DIP2C: variants seen among roughly 807,000 people sequenced by gnomAD.
DIP2C encodes disco-interacting protein 2 homolog C.
In DIP2C, 33 loss-of-function variants were observed where a neutral mutation model predicts 192.4. The ratio of observed to expected loss-of-function variants is 0.17; its 90% confidence interval spans 0.13 to 0.23. The LOEUF is 0.23. DIP2C is among the 10% of genes least tolerant of loss of function. DIP2C has a pLI of 1.00. For synonymous variants in DIP2C, 979 were observed against 864.1 expected, an observed-to-expected ratio of 1.13 and a Z score of -2.33; for missense variants, 1,537 against 2,110.1, an observed-to-expected ratio of 0.73 and a Z score of 5.32.
At chr10:596,169 A>ATTTTT (rs1276718097) in intron 1 of DIP2C, among the ~76,000 whole-genome samples, 33 of 152,292 alleles carry the variant, frequency 2.2e-4, no homozygotes, top group Middle Eastern at 3.4e-3. Flanking sequence ...GTTTTAAAAA[A>ATTTTT]TAAAAGTAAC....
At chr10:341,375 C>CA in intron 28 of DIP2C, 46 bp from the exon 29 acceptor site, 1 of 1,610,824 alleles carries the variant, frequency 6.2e-7, no homozygotes, top group Non-Finnish European at 8.5e-7. Flanking sequence ...CTGACACCCT[C>CA]AGACACCCGG....
At chr10:587,120 G>A (rs1244601039) in intron 1 of DIP2C, among the ~76,000 whole-genome samples, 28 of 150,392 alleles carry the variant, frequency 1.9e-4, no homozygotes. Flanking sequence ...GCGTGGCGAG[G>A]GGCAAACAGT....
intron 1 of DIP2C, among the ~76,000 whole-genome samples, chr10:674,036 A>G (rs1269842041): frequency 6.6e-6 from 1 of 152,252 alleles, no homozygotes; most frequent in Non-Finnish European, 1.5e-5. Flanking sequence ...CAAAGAGACA[A>G]AAGAAAAACT....
chr10:283,902 A>G (rs1954965437), intron 34 of DIP2C, among the ~76,000 whole-genome samples: 1 of 152,230 alleles, frequency 6.6e-6, no homozygotes, highest in African/African-American at 2.4e-5. Context: ...ACACAGAAAA[A>G]CAAAACCTAA....
chr10:649,457 CCTT>C lies in DIP2C; in HGVS notation c.85+40034_85+40036del, dbSNP rs1041974529. 3.9e-5 allele frequency among the ~76,000 whole-genome samples: 6 copies of C among 152,204 alleles called. No homozygotes were observed. The East Asian group carries it at 9.6e-4, about 24-fold the overall frequency. Reference sequence around the variant, plus strand: ...TGCACTGCAGGGTGTGTCCCCTTGACCTTCACGAATTTTCAGGTAGTAAGAAAG... The same window carrying C: ...TGCACTGCAGGGTGTGTCCCCTTGACCACGAATTTTCAGGTAGTAAGAAAG... On this transcript the variant is annotated intron_variant, in intron 1 of 36. Transcript: ENST00000280886.
At chr10:600,875 GTA>G (rs1564252346) in intron 1 of DIP2C, among the ~76,000 whole-genome samples, 383 of 152,118 alleles carry the variant, frequency 2.5e-3, no homozygotes, top group Middle Eastern at 0.01. Flanking sequence ...AGCTTTTTCT[GTA>G]ACAAAGTTGG....
chr10:381,960 C>T (rs1962411558), intron 17 of DIP2C, among the ~76,000 whole-genome samples: 1 of 152,028 alleles, frequency 6.6e-6, no homozygotes, highest in African/African-American at 2.4e-5. Context: ...GCCTGTTCTC[C>T]TACAACAGCA....
intron 26 of DIP2C, among the ~76,000 whole-genome samples, chr10:347,411 T>C (rs1429303788): frequency 1.9e-4 from 25 of 131,692 alleles, no homozygotes; most frequent in Non-Finnish European, 2.5e-4. Flanking sequence ...CCCGGACACA[T>C]CGCGCATAGT....
At chr10:372,616 C>T (rs965566196) in intron 17 of DIP2C, among the ~76,000 whole-genome samples, 11 of 152,292 alleles carry the variant, frequency 7.2e-5, no homozygotes, top group Non-Finnish European at 1.2e-4. Context: ...AGAAAACGCA[C>T]GGCCCCGGGA....
intron 17 of DIP2C, 80 bp downstream of exon 17, chr10:382,567 G>A (rs1490604712): frequency 3.5e-6 from 4 of 1,144,196 alleles, no homozygotes; most frequent in Non-Finnish European, 5.2e-6. Flanking sequence ...AGCATCAACT[G>A]TTAGGATTTC....
chr10:550,053 A>G (rs376758398), intron 1 of DIP2C, among the ~76,000 whole-genome samples: 26 of 140,232 alleles, frequency 1.9e-4, no homozygotes, highest in African/African-American at 7.0e-4. Flanking sequence ...TCTGTCGCCC[A>G]GGCTGGAGTG....
At chr10:582,258 C>T (rs1305272391) in intron 1 of DIP2C, among the ~76,000 whole-genome samples, 1 of 152,346 alleles carries the variant, frequency 6.6e-6, no homozygotes, top group East Asian at 1.9e-4. Context: ...GTGGAGACAC[C>T]ACTCGTGACC....
At chr10:523,737 G>C (rs1275600949) in intron 1 of DIP2C, among the ~76,000 whole-genome samples, 1 of 151,038 alleles carries the variant, frequency 6.6e-6, no homozygotes, top group Non-Finnish European at 1.5e-5. Flanking sequence ...ACCCTGGAGT[G>C]AAGATGCAGG....
chr10:341,762 A>C (rs1033352691), intron 28 of DIP2C, among the ~76,000 whole-genome samples: 11 of 152,172 alleles, frequency 7.2e-5, no homozygotes, highest in African/African-American at 2.2e-4. Context: ...ACCTGTAATC[A>C]AAACACTTCA....
intron 1 of DIP2C, among the ~76,000 whole-genome samples, chr10:540,480 C>G (rs1847919179): frequency 6.6e-6 from 1 of 152,230 alleles, no homozygotes; most frequent in African/African-American, 2.4e-5. Flanking sequence ...AATCTCAAGA[C>G]AGTCTTGAGT....
chr10:530,510 C>T lies in DIP2C; in HGVS notation c.86-43980G>A, dbSNP rs531671593. Among the ~76,000 whole-genome samples, 41 of 152,074 alleles carry T rather than the reference C, an allele frequency of 2.7e-4. 1 individual carries two copies. In the South Asian group the frequency reaches 7.7e-3, roughly 29 times the overall value. Reference sequence around the variant, plus strand: ...GGGTGAGAGGAGTAGGGTTTTTAAACTGCTGACTTTTAAAAACATGGCTGT... The same window carrying T: ...GGGTGAGAGGAGTAGGGTTTTTAAATTGCTGACTTTTAAAAACATGGCTGT... On this transcript the variant is annotated intron_variant, in intron 1 of 36. Coordinates refer to ENST00000280886, the MANE Select transcript of DIP2C (RefSeq NM_014974.3).
At chr10:336,272 G>A (rs1380495767) in intron 29 of DIP2C, among the ~76,000 whole-genome samples, 4 of 152,152 alleles carry the variant, frequency 2.6e-5, no homozygotes, top group East Asian at 1.9e-4. Context: ...GGATGGGTCC[G>A]TGTACAATGG....
At chr10:437,109 T>G (rs1967313961) in intron 4 of DIP2C, among the ~76,000 whole-genome samples, 1 of 123,138 alleles carries the variant, frequency 8.1e-6, no homozygotes, top group Non-Finnish European at 1.6e-5. Context: ...CTGGACATGG[T>G]AGGGTGATAT....
chr10:423,144 A>G, intron 4 of DIP2C, 111 bp from the exon 5 acceptor site: 1 of 1,056,088 alleles, frequency 9.5e-7, no homozygotes, highest in South Asian at 1.6e-5. Context: ...TAGTTGTTCA[A>G]TGACTTTTTG....
Sources: allele counts gnomAD v4.1 joint callset (sites outside exome capture counted in the v4.1 genomes callset), GRCh38; gene constraint gnomAD v4.1.1; transcripts MANE v1.5; gene names NCBI Gene and HGNC (gene_info 2026-07-23, HGNC 2026-07-21).